The following FBXW5 variants were observed in gnomAD, a reference collection of about 807,000 sequenced individuals.
FBXW5 encodes F-box and WD repeat domain containing 5.
Under a neutral mutation model 50.9 loss-of-function variants are expected in FBXW5, and 74 were observed. That is an observed-to-expected ratio of 1.45 (90% CI 1.20 to 1.76). The LOEUF is 1.76. Ranked by LOEUF, FBXW5 falls within the 40% of genes most tolerant of loss-of-function variation. FBXW5 has a pLI of 0.00. For synonymous variants in FBXW5, 523 were observed against 362.2 expected (o/e 1.44, Z -5.04); for missense variants, 1,073 against 818.8 (o/e 1.31, Z -3.79).
At chr9:136,943,252 C>G (rs964010183) in intron 3 of FBXW5, 97 bp downstream of exon 3, 32 of 1,178,046 alleles carry the variant, frequency 2.7e-5, no homozygotes, top group Non-Finnish European at 3.5e-5. Context: ...TGACCCACCC[C>G]CCCCCCCACC....
rs1281615453 is a variant in FBXW5, at chr9:136,943,413, A to G, written c.287T>C (p.Leu96Pro). ...CCCGGAATGGGAGAAGCTGAGGTGCAGGACCTGGTCTGTGTGTTCCCGCAG... is the reference window on the plus strand; with the variant it reads ...CCCGGAATGGGAGAAGCTGAGGTGCGGGACCTGGTCTGTGTGTTCCCGCAG... Reference protein sequence around the residue: ...QTLREHTDQVLHLSFSHSGYQ... With the variant: ...QTLREHTDQVPHLSFSHSGYQ... The change falls in exon 3 of 9, where the codon CTG becomes CCG. Residue 96 changes from leucine to proline, a missense_variant. Coordinates refer to ENST00000325285, the MANE Select transcript of FBXW5 (RefSeq NM_018998.4). 6.2e-7 allele frequency: 1 copy of G among 1,612,910 alleles called. No homozygotes were observed. The highest frequency in any genetic ancestry group is 1.7e-5 in the Admixed American group (1 of 60,014).
In FBXW5 at chr9:136,944,172, T is replaced by C. The variant is rs918160441; in HGVS notation, c.-23-66A>G. 5 of 1,449,330 alleles carry C rather than the reference T, an allele frequency of 3.4e-6. No individual in the cohort carries two copies. The African/African-American group carries it at 7.1e-5, about 21-fold the overall frequency. 89.8% of individuals were successfully genotyped at this position (1,449,330 alleles called of 1,614,324 possible). ...AGGGAGGCCGAGAGCGGGCGTCCTG[T>C]TCCTCCAGCCCCAACCGTCCCGCCG... is the stretch of plus-strand genomic sequence containing the variant. On this transcript the variant is annotated intron_variant, in intron 1 of 8. Transcript: ENST00000325285.
chr9:136,943,254 C>T (rs568389921), intron 3 of FBXW5, 95 bp downstream of exon 3: 47 of 1,214,868 alleles, frequency 3.9e-5, no homozygotes, highest in South Asian at 3.8e-4. Flanking sequence ...ACCCACCCCC[C>T]CCCCCACCAC....
rs1588465007 is a variant in FBXW5 at position 136,944,574 on chromosome 9, A to G, written c.-24+20T>C. 1 of 983,706 alleles carries G rather than the reference A, an allele frequency of 1.0e-6. No individual in the cohort carries two copies. The highest frequency in any genetic ancestry group is 4.6e-5 in the South Asian group (1 of 21,592). 60.9% of individuals were successfully genotyped at this position (983,706 alleles called of 1,614,324 possible). A position where few individuals can be genotyped will look rare whatever the true frequency, so the allele number is the denominator to read the frequency against. On this transcript the variant is annotated intron_variant, in intron 1 of 8. Coordinates refer to ENST00000325285, the MANE Select transcript of FBXW5 (RefSeq NM_018998.4). Reference sequence around the variant, plus strand: ...CGGGGACGACAAGGCGGGACCCCCGAGGGCCGCAGGCGCACTCACCACGGC... The same window carrying G: ...CGGGGACGACAAGGCGGGACCCCCGGGGGCCGCAGGCGCACTCACCACGGC...
chr9:136,944,054 G>A lies in FBXW5; in HGVS notation c.30C>T (p.Pro10=), dbSNP rs755074288. ...GGAAGATCTGGTAGACCAGGCTGTCGGGGAGCAGGGGCGTGCCGCCCTCGT... is the reference window on the plus strand; with the variant it reads ...GGAAGATCTGGTAGACCAGGCTGTCAGGGAGCAGGGGCGTGCCGCCCTCGT... MDEGGTPLL[P]DSLVYQIFLS... The change falls in exon 2 of 9, where the codon CCC becomes CCT. Residue 10 remains proline, a synonymous_variant. Transcript: ENST00000325285. 7 of 1,602,506 alleles carry A rather than the reference G, an allele frequency of 4.4e-6. No homozygotes were observed. Among genetic ancestry groups the A allele is most frequent in the Non-Finnish European group, 6.0e-6 (7 of 1,175,258 alleles).
chr9:136,943,591 C>G lies in FBXW5; in HGVS notation c.194-85G>C, dbSNP rs535344554. Reference sequence around the variant, plus strand: ...CCGAGTGTGGCCCCAGCAGTCCTGGCAGGCCCCGTGGTGCCCCTGGAACCC... The same window carrying G: ...CCGAGTGTGGCCCCAGCAGTCCTGGGAGGCCCCGTGGTGCCCCTGGAACCC... On this transcript the variant is annotated intron_variant, in intron 2 of 8. Transcript: ENST00000325285. 5 of 1,502,576 alleles carry G rather than the reference C, an allele frequency of 3.3e-6. No homozygotes were observed. The African/African-American group carries it at 6.9e-5, about 21-fold the overall frequency. The allele number at this position is 1,502,576 out of a possible 1,614,324, so 93.1% of individuals were successfully genotyped here. A position where few individuals can be genotyped will look rare whatever the true frequency, so the allele number is the denominator to read the frequency against.
rs565644387 is a variant in FBXW5 at position 136,944,586 on chromosome 9, G to A, written c.-24+8C>T. 758 of 984,138 alleles carry A rather than the reference G, an allele frequency of 7.7e-4. 1 individual carries two copies. Among genetic ancestry groups the A allele is most frequent in the South Asian group, 7.0e-3 (152 of 21,816 alleles). 61.0% of individuals were successfully genotyped at this position (984,138 alleles called of 1,614,324 possible). A position where few individuals can be genotyped will look rare whatever the true frequency, so the allele number is the denominator to read the frequency against. On this transcript the variant is annotated splice_region_variant and intron_variant, in intron 1 of 8. Coordinates refer to ENST00000325285, the MANE Select transcript of FBXW5 (RefSeq NM_018998.4). Reference sequence around the variant, plus strand: ...GGCGGGACCCCCGAGGGCCGCAGGCGCACTCACCACGGCCGCCTCCGCCCG... The same window carrying A: ...GGCGGGACCCCCGAGGGCCGCAGGCACACTCACCACGGCCGCCTCCGCCCG...
At position 136,941,149 on chromosome 9, in the gene FBXW5, A is replaced by T; in HGVS notation, c.1480T>A (p.Tyr494Asn). ...ATGTTGTAGTGGCGGTCCCAGATGT[A>T]GCCGTGCCGGTCCTCCGCCCCGCTG... ...VASGAEDRHG[Y>N]IWDRHYNICL... Residue 494 changes from tyrosine to asparagine, a missense_variant, in exon 9 of 9, where the codon TAC (tyrosine) becomes AAC (asparagine). By Grantham distance (143) the Tyr-to-Asn change is moderately radical. Transcript: ENST00000325285. 1 of 1,597,524 alleles carries T rather than the reference A, an allele frequency of 6.3e-7. No individual in the cohort carries two copies.
At chr9:136,941,804 G>T in intron 6 of FBXW5, 120 bp from the exon 7 acceptor site, 1 of 1,446,890 alleles carries the variant, frequency 6.9e-7, no homozygotes, top group Admixed American at 2.6e-5. Flanking sequence ...CGTGGGCACT[G>T]CCTGCTCCGG....
chr9:136,944,732 G>A lies in FBXW5; in HGVS notation c.-162C>T, dbSNP rs1439943629. On this transcript the variant is annotated 5_prime_UTR_variant, in exon 1 of 9. Transcript: ENST00000325285. ...ACGCCACGAGCCCCGAGGCATCGAT[G>A]GCCGAGGAAGGCAGAGCGCGCGGGT... 8.1e-6 allele frequency: 8 copies of A among 985,406 alleles called. No individual in the cohort carries two copies. The highest frequency in any genetic ancestry group is 9.6e-6 in the Non-Finnish European group (8 of 829,870). 61.0% of individuals were successfully genotyped at this position (985,406 alleles called of 1,614,324 possible).
In FBXW5 at chr9:136,941,589, C is replaced by G. The variant is rs375877399; in HGVS notation, c.1192G>C (p.Val398Leu). 3.1e-6 allele frequency: 5 copies of G among 1,607,400 alleles called. No individual in the cohort carries two copies. The East Asian group carries it at 1.1e-4, about 36-fold the overall frequency. ...SDAFFDALDH[V>L]IDIHGHIIGM... is the part of the protein sequence containing the mutation. ...ATGATGTGTCCGTGTATGTCTATGA[C>G]GTGGTCCAGCGCGTCGAAGAAGGCA... The change falls in exon 7 of 9, where the codon GTC becomes CTC. Residue 398 changes from valine (V) to leucine (L), a missense_variant. Physicochemically the swap from Val to Leu is conservative, Grantham distance 32. Coordinates refer to ENST00000325285, the MANE Select transcript of FBXW5 (RefSeq NM_018998.4).
At position 136,941,650 on chromosome 9, in the gene FBXW5, CGTG is replaced by C; in HGVS notation, c.1128_1130del (p.Thr377del). ...GGCCCTCACCCAGCACGGGCCCTGC[CGTG>C]GTCATCTGGTGTGGCAGGATCTGCT... On this transcript the variant is annotated inframe_deletion, in exon 7 of 9. Coordinates refer to ENST00000325285, the MANE Select transcript of FBXW5 (RefSeq NM_018998.4). 1 of 1,569,274 alleles carries C rather than the reference CGTG, an allele frequency of 6.4e-7. No homozygotes were observed. Among genetic ancestry groups the C allele is most frequent in the East Asian group, 2.4e-5 (1 of 41,978 alleles).
Position 136,943,472 on chromosome 9 carries a change from C to G in FBXW5, c.228G>C (p.Leu76=), listed in dbSNP as rs371064957. The G allele has an allele frequency of 5.0e-6, 8 of 1,612,384 alleles. No homozygotes were observed. In the African/African-American group the frequency reaches 8.0e-5, roughly 16 times the overall value. The change falls in exon 3 of 9, where the codon CTG becomes CTC. Residue 76 remains leucine, a synonymous_variant. Coordinates refer to ENST00000325285, the MANE Select transcript of FBXW5 (RefSeq NM_018998.4). The part of the protein sequence containing the change: ...AMSWYEEFQR[L]YDTVPCVEVQ... ...CCTCCACGCAGGGCACCGTGTCATACAGCCGCTGGAACTCCTCGTACCAGG... is the reference window on the plus strand; with the variant it reads ...CCTCCACGCAGGGCACCGTGTCATAGAGCCGCTGGAACTCCTCGTACCAGG...
chr9:136,942,529 CCCTAGCCCCGCA>C lies in FBXW5; in HGVS notation c.675+6_675+17del. The C allele has an allele frequency of 6.2e-7, 1 of 1,605,816 alleles. No individual in the cohort carries two copies. Among genetic ancestry groups the C allele is most frequent in the Non-Finnish European group, 8.5e-7 (1 of 1,174,722 alleles). On this transcript the variant is annotated splice_donor_region_variant and intron_variant, in intron 5 of 8. Coordinates refer to ENST00000325285, the MANE Select transcript of FBXW5 (RefSeq NM_018998.4). ...CCAGGCCCCAGGAGGGCAGCCCCGC[CCCTAGCCCCGCA>C]CGCACCTGGAAGGCATTGTTGAGCC... is the stretch of plus-strand genomic sequence containing the variant.
In FBXW5 at chr9:136,943,492, A is replaced by G. The variant is rs1317430525; in HGVS notation, c.208T>C (p.Tyr70His). 2 of 1,610,764 alleles carry G rather than the reference A, an allele frequency of 1.2e-6. No homozygotes were observed. The highest frequency in any genetic ancestry group is 2.7e-5 in the African/African-American group (2 of 74,898). The stretch of plus-strand genomic sequence containing the variant: ...TCATACAGCCGCTGGAACTCCTCGT[A>G]CCAGGACATGGCCGCTGCGGGTGGG... ...VPRHPAAMSW[Y>H]EEFQRLYDTV... The change falls in exon 3 of 9, where the codon TAC becomes CAC. Residue 70 changes from tyrosine (Y) to histidine (H), a missense_variant. Tyr to His is a moderately conservative substitution (Grantham distance 83). Coordinates refer to ENST00000325285, the MANE Select transcript of FBXW5 (RefSeq NM_018998.4).
In FBXW5 at chr9:136,940,686, C is replaced by T; in HGVS notation, c.*242G>A. The T allele has an allele frequency of 8.5e-6, 5 of 587,604 alleles. No homozygotes were observed. The South Asian group carries it at 1.0e-4, about 12-fold the overall frequency. 36.4% of individuals were successfully genotyped at this position (587,604 alleles called of 1,614,324 possible). A position where few individuals can be genotyped will look rare whatever the true frequency, so the allele number is the denominator to read the frequency against. On this transcript the variant is annotated 3_prime_UTR_variant, in exon 9 of 9. Transcript: ENST00000325285. The stretch of plus-strand genomic sequence containing the variant: ...AGTGAGGAGCGGCACCCCCAGTATC[C>T]TGTGTACCCCAAGTTGCCCAGGAGG...
chr9:136,940,468 C>T lies in FBXW5; in HGVS notation c.*460G>A, dbSNP rs901180193. 4.0e-5 allele frequency: 9 copies of T among 223,238 alleles called. No individual in the cohort carries two copies. The East Asian group carries it at 7.2e-4, about 18-fold the overall frequency. 13.8% of individuals were successfully genotyped at this position (223,238 alleles called of 1,614,324 possible). ...CCAACTGTTTATTCAGGGCCCTGAA[C>T]GGGTGGTGCGTGGACATGCAACACA... On this transcript the variant is annotated 3_prime_UTR_variant, in exon 9 of 9. Coordinates refer to ENST00000325285, the MANE Select transcript of FBXW5 (RefSeq NM_018998.4).
At chr9:136,941,495 C>T (rs540737570) in intron 7 of FBXW5, 32 bp from the exon 8 acceptor site, 36 of 1,605,082 alleles carry the variant, frequency 2.2e-5, no homozygotes, top group South Asian at 5.5e-5. Flanking sequence ...AGGTGTGGGC[C>T]GCCTGCGGGC....
Position 136,942,944 on chromosome 9 carries a change from C to A in FBXW5, c.352-1G>T. ...AGATGGTCAGGTCGTTGCTCCAGAT[C>A]TGTTCGGCAGGGGCGGCTGTAGTGA... On this transcript the variant is annotated splice_acceptor_variant, in intron 3 of 8. Transcript: ENST00000325285. LOFTEE classifies it high-confidence loss of function. 6.2e-7 allele frequency: 1 copy of A among 1,612,938 alleles called. No individual in the cohort carries two copies. Among genetic ancestry groups the A allele is most frequent in the South Asian group, 1.1e-5 (1 of 91,056 alleles).
Sources: allele counts gnomAD v4.1 joint callset, GRCh38; gene constraint gnomAD v4.1.1; transcripts MANE v1.5; gene names NCBI Gene and HGNC (gene_info 2026-07-23, HGNC 2026-07-21).